CCDC40: variants seen among roughly 807,000 people sequenced by gnomAD.
CCDC40 encodes the protein coiled-coil domain-containing protein 40.
A neutral mutation model predicts 124.5 loss-of-function variants in CCDC40; 104 were observed. The observed-to-expected ratio is 0.84, with a 90% CI of 0.71 to 0.98. CCDC40 has a LOEUF of 0.98. Among genes scored for constraint, CCDC40 ranks in the 50% least tolerant of loss-of-function variants. CCDC40 has a pLI of 0.00. For synonymous variants in CCDC40, 580 were observed against 602.9 expected (o/e 0.96, Z 0.56); for missense variants, 1,463 against 1,503.9 (o/e 0.97, Z 0.45).
intron 3 of CCDC40, among the ~76,000 whole-genome samples, chr17:80,042,595 C>A (rs1400446282): frequency 1.3e-5 from 2 of 152,190 alleles, no homozygotes; most frequent in Non-Finnish European, 2.9e-5. Flanking sequence ...AGATAATCAT[C>A]TCATCTGAGA....
At chr17:80,083,689 C>T (rs775789711) in intron 12 of CCDC40, among the ~76,000 whole-genome samples, 4 of 152,210 alleles carry the variant, frequency 2.6e-5, no homozygotes, top group Non-Finnish European at 5.9e-5. Flanking sequence ...TTATCACAAA[C>T]GTCCTCTCGA....
In CCDC40 at chr17:80,066,061, A is replaced by T; in HGVS notation, c.1562+455A>T. The T allele has an allele frequency of 1.4e-6, 1 of 702,330 alleles. No individual in the cohort carries two copies. Among genetic ancestry groups the T allele is most frequent in the Non-Finnish European group, 2.6e-6 (1 of 384,656 alleles). The allele number at this position is 702,330 out of a possible 1,614,324, so 43.5% of individuals were successfully genotyped here. On this transcript the variant is annotated intron_variant, in intron 10 of 19. Transcript: ENST00000397545. This position sits in a 1 kb window ranked among gnomAD's most constrained non-coding sequence, Gnocchi z 4.4. ...TCTGGGCATCCCCTCACTTCTGGGG[A>T]TGGATGCGTGGCTCAGGGCAGGGCG... is the stretch of plus-strand genomic sequence containing the variant.
In CCDC40 at chr17:80,097,528, C is replaced by A. The variant is rs56968343; in HGVS notation, c.3180+125C>A. 0.3 allele frequency: 284,892 copies of A among 936,966 alleles called. 46,201 individuals are homozygous for A. Among genetic ancestry groups the A allele is most frequent in the African/African-American group, 0.5 (30,612 of 60,658 alleles). 58.0% of individuals were successfully genotyped at this position (936,966 alleles called of 1,614,324 possible). A position where few individuals can be genotyped will look rare whatever the true frequency, so the allele number is the denominator to read the frequency against. ...ATCAGGTCACGGCCTCTCCTGATCC[C>A]AGGCCAGTAATAGCACCACCGGCTG... is the stretch of plus-strand genomic sequence containing the variant. On this transcript the variant is annotated intron_variant, in intron 19 of 19. Transcript: ENST00000397545.
chr17:80,066,014 G>C lies in CCDC40; in HGVS notation c.1562+408G>C. Reference sequence around the variant, plus strand: ...CCGAAATCCTATTTTAATCTCCAAAGGAAGGGGAGGAAGAGGCCTCCTCTG... The same window carrying C: ...CCGAAATCCTATTTTAATCTCCAAACGAAGGGGAGGAAGAGGCCTCCTCTG... On this transcript the variant is annotated intron_variant, in intron 10 of 19. Coordinates refer to ENST00000397545, the MANE Select transcript of CCDC40 (RefSeq NM_017950.4). The surrounding 1 kb of genome is among the most constrained non-coding windows in gnomAD (Gnocchi z 4.4). 1.5e-6 allele frequency: 1 copy of C among 681,254 alleles called. No homozygotes were observed. The highest frequency in any genetic ancestry group is 2.7e-6 in the Non-Finnish European group (1 of 374,124). The allele number at this position is 681,254 out of a possible 1,614,324, so 42.2% of individuals were successfully genotyped here.
chr17:80,089,388 A>G (rs1412922555), intron 16 of CCDC40, among the ~76,000 whole-genome samples: 1 of 152,214 alleles, frequency 6.6e-6, no homozygotes, highest in Non-Finnish European at 1.5e-5. Flanking sequence ...GGGGGCTTGT[A>G]TCTTTGGTGA....
intron 1 of CCDC40, 165 bp from the exon 2 acceptor site, chr17:80,037,958 T>C (rs571918801): frequency 4.1e-5 from 26 of 627,322 alleles, no homozygotes; most frequent in African/African-American, 3.7e-4. Flanking sequence ...ACAGGCATGA[T>C]ATAGTGCTAT....
In CCDC40 at chr17:80,065,575, G is replaced by C. The variant is rs59978698; in HGVS notation, c.1531G>C (p.Glu511Gln). ...CCTGGTGGGCATGAAGCACCGCGACGAGGCGCACAGGGCGGTGCTGGAGGC... is the reference window on the plus strand; with the variant it reads ...CCTGGTGGGCATGAAGCACCGCGACCAGGCGCACAGGGCGGTGCTGGAGGC... ...SSLVGMKHRD[E>Q]AHRAVLEALR... is the part of the protein sequence containing the mutation. Residue 511 changes from glutamate (E) to glutamine (Q), a missense_variant, in exon 10 of 20, where the codon GAG becomes CAG. By Grantham distance (29) the Glu-to-Gln change is conservative. Coordinates refer to ENST00000397545, the MANE Select transcript of CCDC40 (RefSeq NM_017950.4). The C allele has an allele frequency of 1.3e-4, 202 of 1,612,866 alleles. No homozygotes were observed. The highest frequency in any genetic ancestry group is 1.6e-4 in the Non-Finnish European group (185 of 1,179,898).
In CCDC40 at chr17:80,062,489, G is replaced by A. The variant is rs142883702; in HGVS notation, c.1441-2996G>A. Among the ~76,000 whole-genome samples, 50 of 132,820 alleles carry A rather than the reference G, an allele frequency of 3.8e-4. 1 individual carries two copies. Among genetic ancestry groups the A allele is most frequent in the Middle Eastern group, 9.6e-3 (2 of 208 alleles). 87.1% of individuals were successfully genotyped at this position (132,820 alleles called of 152,430 possible). A position where few individuals can be genotyped will look rare whatever the true frequency, so the allele number is the denominator to read the frequency against. ...CCCACAACAGGCCCCGTTGTGTGAC[G>A]TTCCCCTTCCTGTGTCCATGTGTTC... On this transcript the variant is annotated intron_variant, in intron 9 of 19. Coordinates refer to ENST00000397545, the MANE Select transcript of CCDC40 (RefSeq NM_017950.4).
chr17:80,042,567 C>T (rs955534425), intron 3 of CCDC40, among the ~76,000 whole-genome samples: 2 of 152,160 alleles, frequency 1.3e-5, no homozygotes, highest in East Asian at 1.9e-4. Context: ...TTTGTAGAAT[C>T]GGTAGGCTTT....
At chr17:80,082,597 AT>A (rs1218648855) in intron 12 of CCDC40, among the ~76,000 whole-genome samples, 1 of 152,026 alleles carries the variant, frequency 6.6e-6, no homozygotes, top group Non-Finnish European at 1.5e-5. Flanking sequence ...AACAGTCCCC[AT>A]TTTAGTCTCA....
chr17:80,063,389 A>G (rs1250112862), intron 9 of CCDC40, among the ~76,000 whole-genome samples: 3 of 152,156 alleles, frequency 2.0e-5, no homozygotes, highest in African/African-American at 7.2e-5. Context: ...ACTGGGGTCT[A>G]AATGCACAGG....
rs1235368313 is a variant in CCDC40 at position 80,039,881 on chromosome 17, G to A, written c.163G>A (p.Glu55Lys). ...TGTCGGTAGCACAGAGCATCCTGAG[G>A]AAGTCACAACCCAAGCGGAAGCTGC... ...EAVGSTEHPE[E>K]VTTQAEAAIE... The change falls in exon 3 of 20, where the codon GAA becomes AAA. Residue 55 changes from glutamate (E) to lysine (K), a missense_variant. Physicochemically the swap from Glu to Lys is moderately conservative, Grantham distance 56. Coordinates refer to ENST00000397545, the MANE Select transcript of CCDC40 (RefSeq NM_017950.4). 1 of 1,613,964 alleles carries A rather than the reference G, an allele frequency of 6.2e-7. No individual in the cohort carries two copies. The highest frequency in any genetic ancestry group is 2.2e-5 in the East Asian group (1 of 44,864).
intron 1 of CCDC40, among the ~76,000 whole-genome samples, chr17:80,037,688 A>AAAATATATATATATATATATATAT: frequency 4.4e-5 from 2 of 45,676 alleles, no homozygotes; most frequent in African/African-American, 5.9e-5. Flanking sequence ...TTTTTTAAAA[A>AAAATATATATATATATATATATAT]AGATATACAT....
chr17:80,065,357 G>A (rs1258510471), intron 9 of CCDC40, 128 bp from the exon 10 acceptor site: 2 of 1,294,222 alleles, frequency 1.5e-6, no homozygotes, highest in Non-Finnish European at 2.2e-6. Flanking sequence ...GCAGATGCAT[G>A]ATCAAGGAAA....
intron 9 of CCDC40, among the ~76,000 whole-genome samples, chr17:80,062,785 T>A (rs995654998): frequency 3.9e-5 from 6 of 152,104 alleles, no homozygotes; most frequent in African/African-American, 1.4e-4. Context: ...GAGACGGTGT[T>A]TCTTTTTGTT....
intron 10 of CCDC40, among the ~76,000 whole-genome samples, chr17:80,070,235 A>G (rs891091078): frequency 1.3e-5 from 2 of 152,188 alleles, no homozygotes; most frequent in African/African-American, 4.8e-5. Flanking sequence ...CCATATACCC[A>G]AGGACACTGG....
rs373717036 is a variant in CCDC40 at position 80,087,766 on chromosome 17, G to A, written c.2609G>A (p.Arg870His). Residue 870 changes from arginine to histidine, a missense_variant, in exon 15 of 20, where the codon CGC becomes CAC. Transcript: ENST00000397545. The surrounding 1 kb of genome is among the most constrained non-coding windows in gnomAD (Gnocchi z 4.5). The stretch of plus-strand genomic sequence containing the variant: ...CGGGTGACAGAGAATGAGTTCGTGC[G>A]CTCGCTGAAGGTCCGGCCGTGTCCA... ...NNRVTENEFV[R>H]SLKASERETI... is the part of the protein sequence containing the mutation. 1.3e-4 allele frequency: 203 copies of A among 1,613,916 alleles called. No homozygotes were observed. The highest frequency in any genetic ancestry group is 1.6e-4 in the Non-Finnish European group (191 of 1,179,960).
chr17:80,048,771 C>T lies in CCDC40; in HGVS notation c.855+10C>T, dbSNP rs376261068. On this transcript the variant is annotated intron_variant, in intron 5 of 19. Coordinates refer to ENST00000397545, the MANE Select transcript of CCDC40 (RefSeq NM_017950.4). ...TTTGGACCCAGACCACGTAAGGAAG[C>T]CTTCCCAGGTTTTGCTTTTGCCTAC... is the stretch of plus-strand genomic sequence containing the variant. 311 of 1,600,138 alleles carry T rather than the reference C, an allele frequency of 1.9e-4. 1 individual carries two copies. The South Asian group carries it at 2.9e-3, about 15-fold the overall frequency.
chr17:80,050,047 TTC>T lies in CCDC40; in HGVS notation c.940-11_940-10del. 6.2e-7 allele frequency: 1 copy of T among 1,613,954 alleles called. No homozygotes were observed. Among genetic ancestry groups the T allele is most frequent in the Non-Finnish European group, 8.5e-7 (1 of 1,179,952 alleles). ...GATGCCTGCGTCCTGGTGACCCTGT[TTC>T]TCTCTTTGGTCCAGGTTGTGGCTAC... is the stretch of plus-strand genomic sequence containing the variant. On this transcript the variant is annotated splice_polypyrimidine_tract_variant and intron_variant, in intron 6 of 19. Transcript: ENST00000397545.
Sources: gnomAD v4.1 joint callset for allele counts (sites outside exome capture counted in the v4.1 genomes callset) on GRCh38, gnomAD v4.1.1 for gene constraint, Gnocchi (gnomAD v3.1) non-coding constraint, MANE v1.5 for transcripts, NCBI Gene and HGNC (gene_info 2026-07-23, HGNC 2026-07-21) for gene names.